Variants in CELF2 observed in about 807,000 individuals in gnomAD.
CELF2 encodes CUGBP Elav-like family member 2.
Under a neutral mutation model 62.6 loss-of-function variants are expected in CELF2, and 8 were observed. The observed-to-expected ratio is 0.13, with a 90% CI of 0.07 to 0.23. The LOEUF (loss-of-function observed/expected upper bound fraction) is 0.23. CELF2 is among the 10% of genes least tolerant of loss of function. The pLI, the probability that CELF2 is intolerant of heterozygous loss-of-function variation, is 1.00. For synonymous variants in CELF2, 258 were observed against 250.0 expected (o/e 1.03, Z -0.30); for missense variants, 333 against 671.0 (o/e 0.50, Z 5.56).
In CELF2 at chr10:11,178,501, A is replaced by G. The variant is rs554829946; in HGVS notation, c.271+12819A>G. On this transcript the variant is annotated intron_variant, in intron 2 of 12. Coordinates refer to ENST00000633077, the MANE Select transcript of CELF2 (RefSeq NM_001326342.2). This position sits in a 1 kb window ranked among gnomAD's most constrained non-coding sequence, Gnocchi z 4.3. ...AAGGTAATGAATAAATTAAAGACACACTTTTGTAATCGTATATTTTAGGCT... is the reference window on the plus strand; with the variant it reads ...AAGGTAATGAATAAATTAAAGACACGCTTTTGTAATCGTATATTTTAGGCT... 6.6e-6 allele frequency among the ~76,000 whole-genome samples: 1 copy of G among 152,336 alleles called. No individual in the cohort carries two copies. Among genetic ancestry groups the G allele is most frequent in the African/African-American group, 2.4e-5 (1 of 41,578 alleles).
the CELF2 span, among the ~76,000 whole-genome samples, chr10:10,727,869 T>C: frequency 6.6e-6 from 1 of 151,950 alleles, no homozygotes; most frequent in African/African-American, 2.4e-5. Flanking sequence ...AAATAGAAAA[T>C]ATTTTATCTT....
At chr10:11,085,335 A>C (rs977097692) in intron 1 of CELF2, among the ~76,000 whole-genome samples, 5 of 152,126 alleles carry the variant, frequency 3.3e-5, no homozygotes, top group African/African-American at 1.2e-4. Context: ...TTTAACTCCT[A>C]ATTTGATGTT....
intron 2 of CELF2, among the ~76,000 whole-genome samples, chr10:11,184,646 A>C (rs1213361128): frequency 1.3e-5 from 2 of 152,158 alleles, no homozygotes; most frequent in African/African-American, 4.8e-5. Flanking sequence ...TAGGTGTTTT[A>C]TATTTTCCGT....
intron 3 of CELF2, among the ~76,000 whole-genome samples, chr10:11,229,805 G>A (rs899577987): frequency 1.2e-4 from 19 of 152,134 alleles, no homozygotes. Flanking sequence ...AGCCAGGCTA[G>A]TCTTGAACTC....
chr10:10,978,532 G>C (rs1246336233), intron 2 of CELF2, among the ~76,000 whole-genome samples: 1 of 152,168 alleles, frequency 6.6e-6, no homozygotes, highest in Non-Finnish European at 1.5e-5. Context: ...ACATCAAGGT[G>C]ATAGGAGATT....
chr10:10,694,599 G>A, the CELF2 span, among the ~76,000 whole-genome samples: 1,407 of 152,064 alleles, frequency 9.3e-3, 25 homozygotes, highest in African/African-American at 0.033. Flanking sequence ...TCTGTCTAAT[G>A]TTGACAGTGG....
chr10:11,018,887 A>C (rs2057818305), intron 1 of CELF2: 1 of 152,288 alleles, frequency 6.6e-6, no homozygotes, highest in Admixed American at 6.5e-5. Context: ...AAGCGGAGAC[A>C]AGGAAGGGCG....
rs1343287981 is a variant in CELF2 at position 11,237,226 on chromosome 10, G to C, written c.355-11927G>C. On this transcript the variant is annotated intron_variant, in intron 3 of 12. Coordinates refer to ENST00000633077, the MANE Select transcript of CELF2 (RefSeq NM_001326342.2). This position sits in a 1 kb window ranked among gnomAD's most constrained non-coding sequence, Gnocchi z 4.0. ...TAGGAGAGAGAGAGAGAGCTAAACTGAGGATTTCAAGGGGTAGAAAATTAA... is the reference window on the plus strand; with the variant it reads ...TAGGAGAGAGAGAGAGAGCTAAACTCAGGATTTCAAGGGGTAGAAAATTAA... Among the ~76,000 whole-genome samples the C allele has an allele frequency of 1.3e-5, 2 of 152,182 alleles. No homozygotes were observed. The highest frequency in any genetic ancestry group is 1.5e-5 in the Non-Finnish European group (1 of 68,038).
At chr10:10,782,195 G>A in the CELF2 span, among the ~76,000 whole-genome samples, 1 of 152,184 alleles carries the variant, frequency 6.6e-6, no homozygotes, top group African/African-American at 2.4e-5. Flanking sequence ...TGAGAAATTG[G>A]TTCATGCTAT....
At chr10:10,924,315 T>C (rs937606261) in intron 2 of CELF2, among the ~76,000 whole-genome samples, 1 of 112,770 alleles carries the variant, frequency 8.9e-6, no homozygotes, top group African/African-American at 3.2e-5. Context: ...AAAAAAGATA[T>C]AAACACAGTT....
intron 1 of CELF2, among the ~76,000 whole-genome samples, chr10:11,089,052 A>G (rs761069279): frequency 7.2e-5 from 11 of 152,198 alleles, no homozygotes; most frequent in Non-Finnish European, 1.3e-4. Flanking sequence ...AGAAAGCTGT[A>G]CAGTCTTTTC....
At chr10:11,004,994 A>C (rs1564347218), upstream of CELF2, 1 of 964,450 alleles carries the variant, frequency 1.0e-6, no homozygotes, top group Non-Finnish European at 1.2e-6. This position sits in a 1 kb window ranked among gnomAD's most constrained non-coding sequence, Gnocchi z 5.0. Context: ...GTGTGTAAGA[A>C]AAAGGTAAAT....
At chr10:10,551,498 T>TC in the CELF2 span, among the ~76,000 whole-genome samples, 9 of 151,372 alleles carry the variant, frequency 5.9e-5, no homozygotes, top group African/African-American at 1.2e-4. Context: ...CTGGACCCCC[T>TC]CCCCCCCAGT....
chr10:10,825,248 C>T (rs2057292448), intron 1 of CELF2, among the ~76,000 whole-genome samples: 1 of 152,136 alleles, frequency 6.6e-6, no homozygotes, highest in South Asian at 2.1e-4. Context: ...CTCGCTCTGT[C>T]ACCCAGGCTG....
rs987727137 is a variant in CELF2 at position 11,329,702 on chromosome 10, ATTGTT to A, written c.*652_*656del. ...TATTACACTGGTTGTCTATTTTGTTATTGTTTTATTTTAGTTTTTAGAAAGGATTA... is the reference window on the plus strand; with the variant it reads ...TATTACACTGGTTGTCTATTTTGTTATTATTTTAGTTTTTAGAAAGGATTA... On this transcript the variant is annotated 3_prime_UTR_variant, in exon 13 of 13. Transcript: ENST00000633077. This position sits in a 1 kb window ranked among gnomAD's most constrained non-coding sequence, Gnocchi z 5.5. The A allele has an allele frequency of 2.0e-5, 3 of 152,596 alleles. No individual in the cohort carries two copies. Among genetic ancestry groups the A allele is most frequent in the South Asian group, 2.1e-4 (1 of 4,824 alleles). The allele number at this position is 152,596 out of a possible 1,614,324, so 9.5% of individuals were successfully genotyped here.
intron 1 of CELF2, among the ~76,000 whole-genome samples, chr10:10,872,195 C>T (rs2060792808): frequency 1.3e-5 from 2 of 152,132 alleles, no homozygotes; most frequent in African/African-American, 2.4e-5. Context: ...AATCAGACTC[C>T]GGCTTTGTTT....
intron 1 of CELF2, among the ~76,000 whole-genome samples, chr10:11,070,691 C>A (rs553870060): frequency 3.7e-4 from 56 of 152,036 alleles, no homozygotes; most frequent in African/African-American, 1.3e-3. Flanking sequence ...TACTTTGTGG[C>A]CTGAAGAGAC....
chr10:10,848,972 C>A (rs955782266), intron 1 of CELF2, among the ~76,000 whole-genome samples: 1 of 152,164 alleles, frequency 6.6e-6, no homozygotes, highest in Non-Finnish European at 1.5e-5. Flanking sequence ...CAGACAACAG[C>A]CTCTCTCACT....
At chr10:10,607,308 T>TAA in the CELF2 span, among the ~76,000 whole-genome samples, 214 of 151,290 alleles carry the variant, frequency 1.4e-3, 1 homozygote, top group African/African-American at 4.9e-3. Context: ...AAGAAAATGT[T>TAA]AAAAAAAAAT....
Sources: allele counts gnomAD v4.1 joint callset (sites outside exome capture counted in the v4.1 genomes callset), GRCh38; gene constraint gnomAD v4.1.1; non-coding constraint Gnocchi (gnomAD v3.1); transcripts MANE v1.5; gene names NCBI Gene and HGNC (gene_info 2026-07-23, HGNC 2026-07-21).